The following ATRAID variants were observed in gnomAD, a reference collection of about 807,000 sequenced individuals.
ATRAID encodes all-trans retinoic acid-induced differentiation factor.
ATRAID carries 26 observed loss-of-function variants against 28.8 expected under a neutral mutation model. That is an observed-to-expected ratio of 0.90 (90% CI 0.66 to 1.25). The LOEUF (loss-of-function observed/expected upper bound fraction) is 1.25, where lower values mean the gene tolerates loss of function less well. ATRAID is among the 50% of genes most tolerant of loss of function. ATRAID has a pLI of 0.00. For synonymous variants in ATRAID, 131 were observed against 108.5 expected (o/e 1.21, Z -1.29); for missense variants, 308 against 285.9 (o/e 1.08, Z -0.56).
In ATRAID at chr2:27,215,625, T is replaced by C; in HGVS notation, c.366-7T>C. 6.2e-7 allele frequency: 1 copy of C among 1,614,190 alleles called. No homozygotes were observed. Among genetic ancestry groups the C allele is most frequent in the Middle Eastern group, 1.6e-4 (1 of 6,062 alleles). ...ACTTTGCATGTTATGACCACATTTCTCTATAGGATACTGCCACAACATGTC... is the reference window on the plus strand; with the variant it reads ...ACTTTGCATGTTATGACCACATTTCCCTATAGGATACTGCCACAACATGTC... On this transcript the variant is annotated splice_region_variant and splice_polypyrimidine_tract_variant and intron_variant, in intron 4 of 6. Transcript: ENST00000380171.
chr2:27,215,929 G>T (rs1403465905), intron 5 of ATRAID, among the ~76,000 whole-genome samples, 176 bp downstream of exon 5: 1 of 152,228 alleles, frequency 6.6e-6, no homozygotes, highest in Non-Finnish European at 1.5e-5. Context: ...GTGTGTCCGT[G>T]TAAAGAGACC....
intron 5 of ATRAID, 103 bp downstream of exon 5, chr2:27,215,856 G>A (rs1438792716): frequency 7.6e-6 from 11 of 1,444,610 alleles, no homozygotes; most frequent in Non-Finnish European, 9.4e-6. Flanking sequence ...TTCATTCAGA[G>A]TTCTGGGGCT....
chr2:27,212,639 C>T (rs1194282795), intron 1 of ATRAID, 172 bp downstream of exon 1: 2 of 1,404,908 alleles, frequency 1.4e-6, no homozygotes, highest in Non-Finnish European at 1.8e-6. Flanking sequence ...GTCGTGCAGG[C>T]CTTCGGCGCC....
At position 27,216,504 on chromosome 2, in the gene ATRAID, A is replaced by G. The variant is rs116902722; in HGVS notation, c.488-19A>G. On this transcript the variant is annotated intron_variant, in intron 5 of 6. Transcript: ENST00000380171. The stretch of plus-strand genomic sequence containing the variant: ...TGAAATGGATAAAGTGATGTTCTCT[A>G]TTTCTCTCTGGCCTCCAGAAATGTG... The G allele has an allele frequency of 7.9e-3, 12,469 of 1,572,926 alleles. 62 individuals carry two copies. The highest frequency in any genetic ancestry group is 0.021 in the East Asian group (935 of 44,698).
Position 27,215,375 on chromosome 2 carries a change from A to G in ATRAID, c.276A>G (p.Ala92=), listed in dbSNP as rs1674780824. 1 of 1,614,210 alleles carries G rather than the reference A, an allele frequency of 6.2e-7. No homozygotes were observed. Among genetic ancestry groups the G allele is most frequent in the African/African-American group, 1.3e-5 (1 of 75,054 alleles). ...ACCCTGGTCCAAACTTTCATCAGGC[A>G]CATACCACTGTCATCATGTAAGTAG... The part of the protein sequence containing the change: ...LEDPGPNFHQ[A]HTTVIIDLQA... Residue 92 remains alanine (A), a synonymous_variant, in exon 3 of 7, where the codon GCA becomes GCG. Transcript: ENST00000380171.
At position 27,217,150 on chromosome 2, in the gene ATRAID, T is replaced by C; in HGVS notation, c.*202T>C. ...GTTGTTGCCTATAATAAACACTTTT[T>C]TCTTTTTTTTTCCTCTCTTTCTTTT... is the stretch of plus-strand genomic sequence containing the variant. On this transcript the variant is annotated 3_prime_UTR_variant, in exon 7 of 7. Coordinates refer to ENST00000380171, the MANE Select transcript of ATRAID (RefSeq NM_001170795.4). 2 of 534,776 alleles carry C rather than the reference T, an allele frequency of 3.7e-6. No individual in the cohort carries two copies. The highest frequency in any genetic ancestry group is 6.5e-6 in the Non-Finnish European group (2 of 308,282). 33.1% of individuals were successfully genotyped at this position (534,776 alleles called of 1,614,324 possible).
chr2:27,212,584 C>T (rs993655060), intron 1 of ATRAID, 117 bp downstream of exon 1: 5 of 1,459,010 alleles, frequency 3.4e-6, no homozygotes, highest in African/African-American at 2.9e-5. Flanking sequence ...TCGTCCCTGA[C>T]GCTTCCCGAC....
At chr2:27,216,781 G>T in intron 6 of ATRAID, 63 bp from the exon 7 acceptor site, 1 of 1,483,150 alleles carries the variant, frequency 6.7e-7, no homozygotes, top group Non-Finnish European at 9.4e-7. Flanking sequence ...AAAGAACTAG[G>T]TGTTAGGATG....
At position 27,212,238 on chromosome 2, in the gene ATRAID, A is replaced by G; in HGVS notation, c.-131A>G. 4 of 1,561,236 alleles carry G rather than the reference A, an allele frequency of 2.6e-6. No homozygotes were observed. The highest frequency in any genetic ancestry group is 1.2e-5 in the South Asian group (1 of 84,914). On this transcript the variant is annotated 5_prime_UTR_variant, in exon 1 of 7. Coordinates refer to ENST00000380171, the MANE Select transcript of ATRAID (RefSeq NM_001170795.4). ...AGCGCAGAGCTCCACGAGCAGGAAA[A>G]GCCCCCAAGCAGCCCCAGGGCGACT...
chr2:27,212,081 G>GA lies in ATRAID; in HGVS notation c.-286dup. 7.5e-7 allele frequency: 1 copy of GA among 1,327,156 alleles called. No homozygotes were observed. The highest frequency in any genetic ancestry group is 1.0e-6 in the Non-Finnish European group (1 of 996,462). The allele number at this position is 1,327,156 out of a possible 1,614,324, so 82.2% of individuals were successfully genotyped here. A position where few individuals can be genotyped will look rare whatever the true frequency, so the allele number is the denominator to read the frequency against. On this transcript the variant is annotated 5_prime_UTR_variant, in exon 1 of 7. Transcript: ENST00000380171. Reference sequence around the variant, plus strand: ...CGCGACCTCGGCGTCCGGACGCGGGGAACACCGGGCTGAGGGAGTCTGCAG... The same window carrying GA: ...CGCGACCTCGGCGTCCGGACGCGGGGAAACACCGGGCTGAGGGAGTCTGCAG...
In ATRAID at chr2:27,216,982, TC is replaced by T; in HGVS notation, c.*35del. 1 of 1,544,236 alleles carries T rather than the reference TC, an allele frequency of 6.5e-7. No individual in the cohort carries two copies. Among genetic ancestry groups the T allele is most frequent in the Non-Finnish European group, 8.9e-7 (1 of 1,124,276 alleles). ...GGTCTTACCATTGACCTAAGATCAA[TC>T]TGAACTATCTTAGCCCAGTCAGGGA... On this transcript the variant is annotated 3_prime_UTR_variant, in exon 7 of 7. Transcript: ENST00000380171.
Position 27,212,320 on chromosome 2 carries a change from G to A in ATRAID, c.-49G>A, listed in dbSNP as rs1674603466. The A allele has an allele frequency of 3.9e-6, 6 of 1,549,182 alleles. No individual in the cohort carries two copies. In the South Asian group the frequency reaches 6.0e-5, roughly 15 times the overall value. ...GAGGGCCTGACGCGCTGCGGGGCGGGGCCGCGGGGCCGGGTCGCGCGAGCA... is the reference window on the plus strand; with the variant it reads ...GAGGGCCTGACGCGCTGCGGGGCGGAGCCGCGGGGCCGGGTCGCGCGAGCA... On this transcript the variant is annotated 5_prime_UTR_variant, in exon 1 of 7. Coordinates refer to ENST00000380171, the MANE Select transcript of ATRAID (RefSeq NM_001170795.4).
At chr2:27,213,784 G>T (rs533881026) in intron 2 of ATRAID, among the ~76,000 whole-genome samples, 2 of 152,244 alleles carry the variant, frequency 1.3e-5, no homozygotes, top group Non-Finnish European at 2.9e-5. Context: ...GCACCAGCCA[G>T]ATTTGCCTGC....
intron 2 of ATRAID, among the ~76,000 whole-genome samples, chr2:27,214,350 T>C (rs1433595701): frequency 6.6e-6 from 1 of 152,044 alleles, no homozygotes. Flanking sequence ...TGATCCTTAA[T>C]GTCCAGCAGT....
In ATRAID at chr2:27,212,461, A is replaced by G; in HGVS notation, c.93A>G (p.Leu31=). The G allele has an allele frequency of 6.4e-7, 1 of 1,562,788 alleles. No individual in the cohort carries two copies. Among genetic ancestry groups the G allele is most frequent in the Non-Finnish European group, 8.7e-7 (1 of 1,155,584 alleles). ...LALGVERALA[L]PEICTQCPGS... ...TGGGCGTGGAAAGGGCTCTGGCGCTACCCGAGGTACAGAAGCAAGTTTGAG... is the reference window on the plus strand; with the variant it reads ...TGGGCGTGGAAAGGGCTCTGGCGCTGCCCGAGGTACAGAAGCAAGTTTGAG... Residue 31 remains leucine, a synonymous_variant, in exon 1 of 7, where the codon CTA becomes CTG. Coordinates refer to ENST00000380171, the MANE Select transcript of ATRAID (RefSeq NM_001170795.4).
In ATRAID at chr2:27,215,754, G is replaced by C; in HGVS notation, c.487+1G>C. 6.2e-7 allele frequency: 1 copy of C among 1,613,808 alleles called. No individual in the cohort carries two copies. The highest frequency in any genetic ancestry group is 8.5e-7 in the Non-Finnish European group (1 of 1,179,878). Reference sequence around the variant, plus strand: ...CTTTGCAATAACACTGGGGACCCAGGTATGCTGTCTTACCTCCAAACTTCT... The same window carrying C: ...CTTTGCAATAACACTGGGGACCCAGCTATGCTGTCTTACCTCCAAACTTCT... On this transcript the variant is annotated splice_donor_variant, in intron 5 of 6. Transcript: ENST00000380171. LOFTEE classifies it high-confidence loss of function.
Position 27,215,705 on chromosome 2 carries a change from C to CA in ATRAID, c.442dup (p.Ile148AsnfsTer11). 1 of 1,614,180 alleles carries CA rather than the reference C, an allele frequency of 6.2e-7. No homozygotes were observed. The highest frequency in any genetic ancestry group is 8.5e-7 in the Non-Finnish European group (1 of 1,180,028). The stretch of plus-strand genomic sequence containing the variant: ...TACTATCACCTCTTATATAGACAAC[C>CA]AAATCTGTCAAGGGCAAAAGAACCT... On this transcript the variant is annotated frameshift_variant, in exon 5 of 7. Coordinates refer to ENST00000380171, the MANE Select transcript of ATRAID (RefSeq NM_001170795.4). LOFTEE classifies it high-confidence loss of function.
Position 27,215,803 on chromosome 2 carries a change from A to G in ATRAID, c.487+50A>G, listed in dbSNP as rs566857176. 1.0e-5 allele frequency: 16 copies of G among 1,599,462 alleles called. No homozygotes were observed. In the South Asian group the frequency reaches 1.2e-4, roughly 12 times the overall value. On this transcript the variant is annotated intron_variant, in intron 5 of 6. Coordinates refer to ENST00000380171, the MANE Select transcript of ATRAID (RefSeq NM_001170795.4). ...CTGGGAATTGTCTTTTCTCCCTTGTATTTTCCACTTTAGATCAGAAAGACA... is the reference window on the plus strand; with the variant it reads ...CTGGGAATTGTCTTTTCTCCCTTGTGTTTTCCACTTTAGATCAGAAAGACA...
Position 27,215,473 on chromosome 2 carries a change from G to A in ATRAID, c.294-1G>A. 1.2e-6 allele frequency: 2 copies of A among 1,614,192 alleles called. No homozygotes were observed. The highest frequency in any genetic ancestry group is 1.7e-6 in the Non-Finnish European group (2 of 1,180,024). ...AAGTGCTAACATTGTGTACTTTGCA[G>A]AGACCTGCAAGCAAACCCCCTCAAA... On this transcript the variant is annotated splice_acceptor_variant, in intron 3 of 6. Coordinates refer to ENST00000380171, the MANE Select transcript of ATRAID (RefSeq NM_001170795.4). LOFTEE classifies it high-confidence loss of function.
Sources: gnomAD v4.1 joint callset for allele counts (sites outside exome capture counted in the v4.1 genomes callset) on GRCh38, gnomAD v4.1.1 for gene constraint, MANE v1.5 for transcripts, NCBI Gene and HGNC (gene_info 2026-07-23, HGNC 2026-07-21) for gene names.